WDFY3: variants seen among roughly 807,000 people sequenced by gnomAD.
WDFY3 encodes the protein WD repeat and FYVE domain containing 3, also known as WD repeat and FYVE domain-containing protein 3.
A neutral mutation model predicts 409.6 loss-of-function variants in WDFY3; 66 were observed. The observed-to-expected ratio is 0.16, with a 90% confidence interval of 0.13 to 0.20. WDFY3 has a LOEUF of 0.20. Ranked by LOEUF, WDFY3 falls within the 10% of genes least tolerant of loss-of-function variation. WDFY3 has a pLI of 1.00. For missense variants in WDFY3, 3,031 were observed against 4,298.1 expected, an observed-to-expected ratio of 0.71 and a Z score of 8.24; for synonymous variants, 1,521 against 1,537.1, an observed-to-expected ratio of 0.99 and a Z score of 0.25.
intron 4 of WDFY3, among the ~76,000 whole-genome samples, chr4:84,853,878 T>C (rs554182827): frequency 6.6e-6 from 1 of 152,296 alleles, no homozygotes; most frequent in African/African-American, 2.4e-5. Context: ...CACTCACAAA[T>C]ATTTATCGAC....
intron 3 of WDFY3, among the ~76,000 whole-genome samples, chr4:84,868,374 T>C (rs1237080780): frequency 6.6e-6 from 1 of 151,962 alleles, no homozygotes; most frequent in Non-Finnish European, 1.5e-5. Context: ...CAATCTAATA[T>C]GTACAGTACA....
Position 84,787,570 on chromosome 4 carries a change from T to C in WDFY3, c.3813A>G (p.Leu1271=). ...CATTTGAAGAAGGTAAAACTTCTTC[T>C]AGAAAATGTGTGGGTCCCAGGCGCC... ...LVWRLGPTHF[L]EEVLPSSNVT... is the part of the protein sequence containing the mutation. Residue 1271 remains leucine (L), a synonymous_variant, in exon 23 of 68, where the codon CTA becomes CTG. Transcript: ENST00000295888. The C allele has an allele frequency of 6.2e-7, 1 of 1,614,168 alleles. No individual in the cohort carries two copies. The highest frequency in any genetic ancestry group is 8.5e-7 in the Non-Finnish European group (1 of 1,180,024).
chr4:84,780,003 G>T, intron 26 of WDFY3, 105 bp downstream of exon 26: 1 of 1,247,414 alleles, frequency 8.0e-7, no homozygotes, highest in Non-Finnish European at 1.1e-6. Flanking sequence ...AAGTTTCCTT[G>T]GACAATATAA....
intron 7 of WDFY3, among the ~76,000 whole-genome samples, chr4:84,831,848 T>G (rs954002631): frequency 1.3e-5 from 2 of 152,014 alleles, no homozygotes; most frequent in African/African-American, 4.8e-5. Context: ...CAGATGCTGG[T>G]AAGGAAGTAG....
chr4:84,816,870 A>G (rs1303534301), intron 13 of WDFY3, among the ~76,000 whole-genome samples: 1 of 152,128 alleles, frequency 6.6e-6, no homozygotes, highest in Non-Finnish European at 1.5e-5. Flanking sequence ...ATGTTATATG[A>G]TTTCTCTAAA....
intron 59 of WDFY3, among the ~76,000 whole-genome samples, 185 bp downstream of exon 59, chr4:84,692,700 C>T (rs1729455830): frequency 1.3e-5 from 2 of 151,050 alleles, no homozygotes; most frequent in South Asian, 4.2e-4. Flanking sequence ...AAAAAGAAAA[C>T]AGAGAAAAAA....
chr4:84,798,213 C>A, intron 17 of WDFY3, 105 bp from the exon 18 acceptor site: 5 of 999,498 alleles, frequency 5.0e-6, no homozygotes, highest in Admixed American at 2.8e-5. Flanking sequence ...AGACTAATTA[C>A]AATAAAAAAA....
At chr4:84,821,580 A>C (rs1203978311) in intron 10 of WDFY3, 29 bp from the exon 11 acceptor site, 4 of 1,564,660 alleles carry the variant, frequency 2.6e-6, no homozygotes. Flanking sequence ...ACATAAAAGT[A>C]GGTACTATGT....
chr4:84,859,522 T>C (rs1006015007), intron 4 of WDFY3, among the ~76,000 whole-genome samples: 4 of 152,192 alleles, frequency 2.6e-5, no homozygotes, highest in African/African-American at 9.7e-5. Context: ...TGTGAAACTA[T>C]CTGACTTTTT....
rs142298451 is a variant in WDFY3 at position 84,682,366 on chromosome 4, T to C, written c.9823+8A>G. On this transcript the variant is annotated splice_region_variant and intron_variant, in intron 64 of 67. Coordinates refer to ENST00000295888, the MANE Select transcript of WDFY3 (RefSeq NM_014991.6). ...CGATTTGAGTCATTTTTAGAAAGTA[T>C]TAAATACCTATTTGTGCTTCTGGAC... 1.1e-4 allele frequency: 185 copies of C among 1,610,706 alleles called. No individual in the cohort carries two copies. The African/African-American group carries it at 2.0e-3, about 17-fold the overall frequency.
Position 84,832,579 on chromosome 4 carries a change from C to G in WDFY3, c.577-974G>C, listed in dbSNP as rs182172632. Among the ~76,000 whole-genome samples the G allele has an allele frequency of 2.3e-3, 351 of 152,120 alleles. 2 individuals are homozygous for G. The highest frequency in any genetic ancestry group is 8.1e-3 in the African/African-American group (335 of 41,496). ...ATTCGATCATTACACATTGTATACA[C>G]AAAAATTATTACACTGTGACCTATA... is the stretch of plus-strand genomic sequence containing the variant. On this transcript the variant is annotated intron_variant, in intron 7 of 67. Coordinates refer to ENST00000295888, the MANE Select transcript of WDFY3 (RefSeq NM_014991.6).
rs540200830 is a variant in WDFY3 at position 84,889,870 on chromosome 4, GA to G, written c.-32+7040del. Among the ~76,000 whole-genome samples, 23 of 151,788 alleles carry G rather than the reference GA, an allele frequency of 1.5e-4. No homozygotes were observed. In the South Asian group the frequency reaches 4.4e-3, roughly 29 times the overall value. On this transcript the variant is annotated intron_variant, in intron 3 of 67. Transcript: ENST00000295888. ...CAACCAATGACTGAATTGGAATTAA[GA>G]AAAAAAATTAATCATTTCAATAAAA...
chr4:84,826,318 T>A (rs1024455700), intron 10 of WDFY3, among the ~76,000 whole-genome samples: 2 of 152,172 alleles, frequency 1.3e-5, no homozygotes, highest in African/African-American at 4.8e-5. Flanking sequence ...TTATTTAAAG[T>A]ATATGGGAAG....
chr4:84,894,651 G>A (rs1245199142), intron 3 of WDFY3, among the ~76,000 whole-genome samples: 1 of 151,992 alleles, frequency 6.6e-6, no homozygotes, highest in Non-Finnish European at 1.5e-5. Context: ...GCCGGGCATG[G>A]GGCACACGCC....
chr4:84,696,650 C>A (rs756761402), intron 57 of WDFY3, 82 bp downstream of exon 57: 90 of 1,396,044 alleles, frequency 6.4e-5, no homozygotes, highest in Non-Finnish European at 8.7e-5. Flanking sequence ...ACAGGTGGTA[C>A]TCTGGCTAGA....
chr4:84,818,262 T>C lies in WDFY3; in HGVS notation c.1694-677A>G, dbSNP rs530812394. Among the ~76,000 whole-genome samples the C allele has an allele frequency of 1.2e-3, 176 of 152,282 alleles. 3 individuals are homozygous for C. The highest frequency in any genetic ancestry group is 4.0e-3 in the African/African-American group (165 of 41,576). ...AGCCTGTGCTCCTGCTCACAAGTGATACTGTTCTCACATCAAATATTAATA... is the reference window on the plus strand; with the variant it reads ...AGCCTGTGCTCCTGCTCACAAGTGACACTGTTCTCACATCAAATATTAATA... On this transcript the variant is annotated intron_variant, in intron 12 of 67. Transcript: ENST00000295888.
chr4:84,704,595 G>C, intron 54 of WDFY3, 151 bp from the exon 55 acceptor site: 1 of 555,932 alleles, frequency 1.8e-6, no homozygotes, highest in East Asian at 3.1e-5. Flanking sequence ...AAAACTTCAG[G>C]ACACCACTAC....
intron 44 of WDFY3, among the ~76,000 whole-genome samples, chr4:84,732,213 T>A (rs568411928): frequency 3.7e-4 from 56 of 152,256 alleles, no homozygotes; most frequent in Admixed American, 3.5e-3. Flanking sequence ...AAAATCTTAA[T>A]AACTATCAGC....
chr4:84,825,556 T>C (rs913490412), intron 10 of WDFY3, among the ~76,000 whole-genome samples: 11 of 151,996 alleles, frequency 7.2e-5, no homozygotes, highest in African/African-American at 2.7e-4. Context: ...TTAAATCACT[T>C]AGGGAAACAT....
Sources: allele counts gnomAD v4.1 joint callset (sites outside exome capture counted in the v4.1 genomes callset), GRCh38; gene constraint gnomAD v4.1.1; transcripts MANE v1.5; gene names NCBI Gene and HGNC (gene_info 2026-07-23, HGNC 2026-07-21).